The following GLIS3 variants were observed in gnomAD, a reference collection of about 807,000 sequenced individuals.
GLIS3 encodes GLIS family zinc finger 3, also known as zinc finger protein GLIS3.
A neutral mutation model predicts 78.6 loss-of-function variants in GLIS3; 53 were observed. That is an observed-to-expected ratio of 0.67 (90% CI 0.54 to 0.85). GLIS3 has a LOEUF of 0.85. GLIS3 is among the 40% of genes least tolerant of loss of function. The pLI is 0.00. For synonymous variants in GLIS3, 684 were observed against 509.9 expected (o/e 1.34, Z -4.60); for missense variants, 1,703 against 1,231.1 (o/e 1.38, Z -5.74).
At chr9:3,986,445 T>A (rs1005057365) in intron 4 of GLIS3, among the ~76,000 whole-genome samples, 37 of 152,246 alleles carry the variant, frequency 2.4e-4, no homozygotes, top group Non-Finnish European at 1.0e-4. Flanking sequence ...AGCAGATTTA[T>A]GAAAACTGTG....
chr9:4,315,476 A>C (rs1363765486), intron 2 of GLIS3, among the ~76,000 whole-genome samples: 1 of 152,218 alleles, frequency 6.6e-6, no homozygotes, highest in African/African-American at 2.4e-5. Flanking sequence ...TTTTTAAATA[A>C]AATGAACCTC....
chr9:4,201,251 G>T (rs796942133), intron 2 of GLIS3, among the ~76,000 whole-genome samples: 8 of 152,140 alleles, frequency 5.3e-5, no homozygotes, highest in African/African-American at 1.9e-4. Flanking sequence ...AAACCTAAAA[G>T]CATTCCCTTG....
At position 4,334,958 on chromosome 9, in the gene GLIS3, G is replaced by T. The variant is rs956938222; in HGVS notation, n.264+12123C>A. Among the ~76,000 whole-genome samples, 11 of 146,562 alleles carry T rather than the reference G, an allele frequency of 7.5e-5. 2 individuals are homozygous for T. The highest frequency in any genetic ancestry group is 2.6e-4 in the African/African-American group (10 of 38,690). On this transcript the variant is annotated intron_variant and non_coding_transcript_variant, in intron 2 of 4. Coordinates refer to the GLIS3 transcript ENST00000471664. ...GAGTCTTGCTCTGTCACCCAGGCTG[G>T]AGTGCAGTGGTGTGATCTCGGCTCA...
chr9:3,927,194 C>T lies in GLIS3; in HGVS notation c.1983+5166G>A, dbSNP rs77311886. On this transcript the variant is annotated intron_variant, in intron 6 of 10. Coordinates refer to ENST00000381971, the MANE Select transcript of GLIS3 (RefSeq NM_001042413.2). ...TTGTATCTCTGGATCTAACCTAGTG[C>T]CTGACACGCAGTAAGTACTCAATAA... 5.6e-3 allele frequency among the ~76,000 whole-genome samples: 857 copies of T among 152,248 alleles called. 6 individuals are homozygous for T. Among genetic ancestry groups the T allele is most frequent in the African/African-American group, 0.019 (810 of 41,546 alleles).
In GLIS3 at chr9:4,259,884, G is replaced by A. The variant is rs141511192; in HGVS notation, c.388+26154C>T. On this transcript the variant is annotated intron_variant, in intron 2 of 10. Coordinates refer to ENST00000381971, the MANE Select transcript of GLIS3 (RefSeq NM_001042413.2). ...CATGTGAACTAAGGTGTAAAACGGAGAAAATGTGTTTTCAGGATTTAAAGG... is the reference window on the plus strand; with the variant it reads ...CATGTGAACTAAGGTGTAAAACGGAAAAAATGTGTTTTCAGGATTTAAAGG... 3.9e-5 allele frequency among the ~76,000 whole-genome samples: 6 copies of A among 152,330 alleles called. No homozygotes were observed. In the East Asian group the frequency reaches 1.2e-3, roughly 29 times the overall value.
At chr9:4,040,038 G>T (rs1187763266) in intron 4 of GLIS3, among the ~76,000 whole-genome samples, 2 of 152,246 alleles carry the variant, frequency 1.3e-5, no homozygotes, top group Non-Finnish European at 2.9e-5. Context: ...CAAACAGAGG[G>T]TAACTGAGAC....
At position 4,163,268 on chromosome 9, in the gene GLIS3, A is replaced by ATG. The variant is rs1564137612; in HGVS notation, c.389-37328_389-37327insCA. 1.9e-3 allele frequency among the ~76,000 whole-genome samples: 287 copies of ATG among 151,326 alleles called. 3 individuals carry two copies. Among genetic ancestry groups the ATG allele is most frequent in the African/African-American group, 6.6e-3 (272 of 40,928 alleles). On this transcript the variant is annotated intron_variant, in intron 2 of 10. Transcript: ENST00000381971. ...GGCACACACACACACACACACACAC[A>ATG]CGCGCACGCGCGCACACATACCATT...
chr9:4,452,666 G>C, the GLIS3 span, among the ~76,000 whole-genome samples: 8 of 152,146 alleles, frequency 5.3e-5, no homozygotes, highest in Non-Finnish European at 8.8e-5. Flanking sequence ...AAGGAAATAA[G>C]AGAGGACACA....
the GLIS3 span, among the ~76,000 whole-genome samples, chr9:4,393,944 T>A: frequency 1.3e-5 from 2 of 152,140 alleles, no homozygotes; most frequent in Non-Finnish European, 2.9e-5. Flanking sequence ...GGCCTGAGTG[T>A]GAATTTATTA....
the GLIS3 span, among the ~76,000 whole-genome samples, chr9:4,397,129 C>T: frequency 7.1e-6 from 1 of 140,480 alleles, no homozygotes; most frequent in African/African-American, 2.9e-5. Flanking sequence ...GGGTTCACGC[C>T]ATTCTCCTGC....
At chr9:4,374,823 G>A in the GLIS3 span, among the ~76,000 whole-genome samples, 65 of 152,320 alleles carry the variant, frequency 4.3e-4, no homozygotes, top group South Asian at 2.9e-3. Context: ...TTTATTGCAC[G>A]CATCTGCCAT....
At chr9:4,357,561 CTGTGTGTGTG>C in the GLIS3 span, among the ~76,000 whole-genome samples, 3 of 147,664 alleles carry the variant, frequency 2.0e-5, no homozygotes, top group East Asian at 2.0e-4. Context: ...GAACTAATTC[CTGTGTGTGTG>C]TGTGTGTGTG....
rs147826104 is a variant in GLIS3 at position 4,145,559 on chromosome 9, C to G, written c.389-19618G>C. Among the ~76,000 whole-genome samples the G allele has an allele frequency of 3.5e-3, 534 of 152,254 alleles. 1 individual carries two copies. Among genetic ancestry groups the G allele is most frequent in the African/African-American group, 0.012 (512 of 41,530 alleles). Reference sequence around the variant, plus strand: ...TCTTAAGAATGAGGCTAAAATGAATCTAATAACATTCAAAAAGCCCATAAT... The same window carrying G: ...TCTTAAGAATGAGGCTAAAATGAATGTAATAACATTCAAAAAGCCCATAAT... On this transcript the variant is annotated intron_variant, in intron 2 of 10. Coordinates refer to ENST00000381971, the MANE Select transcript of GLIS3 (RefSeq NM_001042413.2).
intron 1 of GLIS3, among the ~76,000 whole-genome samples, chr9:4,297,924 CCTCGGCGCGGAG>C (rs1816706010): frequency 6.6e-6 from 1 of 150,928 alleles, no homozygotes; most frequent in South Asian, 2.1e-4. Flanking sequence ...GTCGGAGATT[CCTCGGCGCGGAG>C]CTAGGGGCGG....
chr9:3,851,147 T>C (rs1819409028), intron 9 of GLIS3, among the ~76,000 whole-genome samples: 1 of 152,202 alleles, frequency 6.6e-6, no homozygotes, highest in African/African-American at 2.4e-5. Flanking sequence ...CGTGGCATGC[T>C]GATAATCCTG....
chr9:4,437,473 T>TA, the GLIS3 span, among the ~76,000 whole-genome samples: 6 of 151,130 alleles, frequency 4.0e-5, no homozygotes, highest in African/African-American at 1.5e-4. Flanking sequence ...TCTATCTATA[T>TA]ATCATTTAAT....
the GLIS3 span, among the ~76,000 whole-genome samples, chr9:4,439,395 G>A: frequency 0.18 from 27,541 of 152,058 alleles, 2,857 homozygotes; most frequent in Middle Eastern, 0.29. Context: ...ACCATTAGCA[G>A]TAATTTCCCC....
chr9:4,249,184 T>C (rs932357719), intron 2 of GLIS3, among the ~76,000 whole-genome samples: 1 of 152,206 alleles, frequency 6.6e-6, no homozygotes, highest in African/African-American at 2.4e-5. Context: ...TTGATGGGGA[T>C]AGCATTGAAT....
chr9:4,162,638 T>G (rs927557862), intron 2 of GLIS3, among the ~76,000 whole-genome samples: 1 of 152,006 alleles, frequency 6.6e-6, no homozygotes, highest in African/African-American at 2.4e-5. Context: ...GGTGGGCAGA[T>G]CACGAGGTCA....
Sources: allele counts gnomAD v4.1 joint callset (sites outside exome capture counted in the v4.1 genomes callset), GRCh38; gene constraint gnomAD v4.1.1; transcripts MANE v1.5; gene names NCBI Gene and HGNC (gene_info 2026-07-23, HGNC 2026-07-21).